The following XDH variants were observed in gnomAD, a reference collection of about 807,000 sequenced individuals.
XDH encodes xanthine dehydrogenase.
Under a neutral mutation model 156.1 loss-of-function variants are expected in XDH, and 138 were observed. The observed-to-expected ratio is 0.88, with a 90% CI of 0.77 to 1.02. The LOEUF is 1.02. XDH is among the 50% of genes least tolerant of loss of function. The pLI is 0.00. For missense variants in XDH, 1,849 were observed against 1,684.9 expected (o/e 1.10, Z -1.71); for synonymous variants, 669 against 625.7 (o/e 1.07, Z -1.03).
In XDH at chr2:31,350,081, T is replaced by G; in HGVS notation, c.2774A>C (p.Glu925Ala). ...FGGPQGMLIA[E>A]CWMSEVAVTC... ...CACTGCAACTTCACTCATCCAGCAC[T>G]CGGCAATGAGCATCCCCTGGGGCCC... The change falls in exon 25 of 36, where the codon GAG becomes GCG. Residue 925 changes from glutamate (E) to alanine (A), a missense_variant. Transcript: ENST00000379416. The G allele has an allele frequency of 6.2e-7, 1 of 1,614,180 alleles. No individual in the cohort carries two copies. The highest frequency in any genetic ancestry group is 8.5e-7 in the Non-Finnish European group (1 of 1,180,036).
intron 13 of XDH, 23 bp from the exon 14 acceptor site, chr2:31,377,260 C>G (rs1279572776): frequency 6.2e-7 from 1 of 1,613,610 alleles, no homozygotes. Context: ...AGGAAGGTGC[C>G]TGTTTTCCAC....
intron 15 of XDH, among the ~76,000 whole-genome samples, chr2:31,375,158 T>C (rs1240321004): frequency 6.6e-6 from 1 of 151,606 alleles, no homozygotes; most frequent in Non-Finnish European, 1.5e-5. Flanking sequence ...CCCACGTAGC[T>C]GAGATTACAG....
chr2:31,349,563 T>G lies in XDH; in HGVS notation c.2969+123A>C, dbSNP rs1047990557. On this transcript the variant is annotated intron_variant, in intron 26 of 35. Transcript: ENST00000379416. ...TCTTAAAGAGATGGCTGTGAATGAG[T>G]TGGCAAACTCAGCAGTCTCATAAGT... 9.9e-6 allele frequency: 14 copies of G among 1,417,218 alleles called. No individual in the cohort carries two copies. In the African/African-American group the frequency reaches 1.1e-4, roughly 11 times the overall value. 87.8% of individuals were successfully genotyped at this position (1,417,218 alleles called of 1,614,324 possible). A position where few individuals can be genotyped will look rare whatever the true frequency, so the allele number is the denominator to read the frequency against.
chr2:31,358,006 T>C (rs1005215253), intron 24 of XDH, among the ~76,000 whole-genome samples: 2 of 152,086 alleles, frequency 1.3e-5, no homozygotes, highest in Non-Finnish European at 2.9e-5. Context: ...TCAAGTATTA[T>C]ACTTTTAAGC....
chr2:31,390,462 G>A (rs1270501176), intron 6 of XDH, among the ~76,000 whole-genome samples: 1 of 152,240 alleles, frequency 6.6e-6, no homozygotes, highest in Non-Finnish European at 1.5e-5. Context: ...GAGTAAGGTT[G>A]TTGTAAGCAT....
chr2:31,345,802 G>T (rs1362438905), intron 30 of XDH, among the ~76,000 whole-genome samples: 2 of 152,186 alleles, frequency 1.3e-5, no homozygotes, highest in Non-Finnish European at 2.9e-5. Flanking sequence ...AGGCACACTG[G>T]TCTACATGGC....
Position 31,410,660 on chromosome 2 carries a change from C to G in XDH, c.42+3965G>C, listed in dbSNP as rs536236527. ...ATGCAGTGAGAAAAACACATTACTTCTGTGGTATTCCTGCCCCCCAAATGC... is the reference window on the plus strand; with the variant it reads ...ATGCAGTGAGAAAAACACATTACTTGTGTGGTATTCCTGCCCCCCAAATGC... On this transcript the variant is annotated intron_variant, in intron 1 of 35. Coordinates refer to ENST00000379416, the MANE Select transcript of XDH (RefSeq NM_000379.4). Among the ~76,000 whole-genome samples, 6 of 152,108 alleles carry G rather than the reference C, an allele frequency of 3.9e-5. No homozygotes were observed. The South Asian group carries it at 1.2e-3, about 32-fold the overall frequency.
chr2:31,335,735 C>CATTTGCCTAAATA lies in XDH; in HGVS notation c.*222_*223insTATTTAGGCAAAT, dbSNP rs1684955319. The CATTTGCCTAAATA allele has an allele frequency of 6.5e-6, 4 of 619,818 alleles. No homozygotes were observed. In the African/African-American group the frequency reaches 7.3e-5, roughly 11 times the overall value. The allele number at this position is 619,818 out of a possible 1,614,324, so 38.4% of individuals were successfully genotyped here. ...CAGAAAATGATCCTAATTGCATATT[C>CATTTGCCTAAATA]ACCATTTAGGCATAACAGTTTTGAA... is the stretch of plus-strand genomic sequence containing the variant. On this transcript the variant is annotated 3_prime_UTR_variant, in exon 36 of 36. Transcript: ENST00000379416.
intron 6 of XDH, among the ~76,000 whole-genome samples, chr2:31,393,342 A>G (rs991964942): frequency 5.9e-5 from 9 of 152,186 alleles, no homozygotes; most frequent in African/African-American, 1.9e-4. Flanking sequence ...AAGGACTGTT[A>G]TATCTTCTTG....
chr2:31,339,553 G>A lies in XDH; in HGVS notation c.3710C>T (p.Pro1237Leu), dbSNP rs200177886. 1.2e-6 allele frequency: 2 copies of A among 1,614,230 alleles called. No individual in the cohort carries two copies. Among genetic ancestry groups the A allele is most frequent in the Non-Finnish European group, 1.7e-6 (2 of 1,180,052 alleles). Reference sequence around the variant, plus strand: ...GAGCAGGGACACCCTGAACTCAATGGGGATGCTGCCAAATGCCGGGATCTT... The same window carrying A: ...GAGCAGGGACACCCTGAACTCAATGAGGATGCTGCCAAATGCCGGGATCTT... Reference protein sequence around the residue: ...TYKIPAFGSIPIEFRVSLLRD... With the variant: ...TYKIPAFGSILIEFRVSLLRD... The change falls in exon 34 of 36, where the codon CCC becomes CTC. Residue 1237 changes from proline (P) to leucine (L), a missense_variant. Physicochemically the swap from Pro to Leu is moderately conservative, Grantham distance 98. Coordinates refer to ENST00000379416, the MANE Select transcript of XDH (RefSeq NM_000379.4).
At chr2:31,360,787 T>C (rs1685756811) in intron 24 of XDH, among the ~76,000 whole-genome samples, 1 of 148,638 alleles carries the variant, frequency 6.7e-6, no homozygotes, top group African/African-American at 2.6e-5. Context: ...GGTTCAGTAC[T>C]ATCTGAGGTT....
chr2:31,407,842 A>G (rs1687233463), intron 1 of XDH, among the ~76,000 whole-genome samples: 1 of 152,214 alleles, frequency 6.6e-6, no homozygotes, highest in African/African-American at 2.4e-5. Flanking sequence ...GATGAAATTA[A>G]TTTTCTTATG....
At chr2:31,403,908 T>A (rs1238402103) in intron 2 of XDH, among the ~76,000 whole-genome samples, 2 of 152,150 alleles carry the variant, frequency 1.3e-5, no homozygotes, top group South Asian at 4.2e-4. Flanking sequence ...CACTACCTAC[T>A]GAAGATGGAG....
In XDH at chr2:31,414,613, G is replaced by A. The variant is rs745842727; in HGVS notation, c.42+12C>T. ...AGAAGGGACACAAAACCAAAGGTCA[G>A]CTCCTACTTACCTTTCTGCCATTCA... On this transcript the variant is annotated intron_variant, in intron 1 of 35. Transcript: ENST00000379416. 1 of 1,614,038 alleles carries A rather than the reference G, an allele frequency of 6.2e-7. No individual in the cohort carries two copies. The highest frequency in any genetic ancestry group is 1.7e-5 in the Admixed American group (1 of 60,022).
At chr2:31,370,925 A>G (rs1686054327) in intron 17 of XDH, among the ~76,000 whole-genome samples, 1 of 152,238 alleles carries the variant, frequency 6.6e-6, no homozygotes, top group Admixed American at 6.5e-5. Flanking sequence ...AGCAAGCCAT[A>G]TCAGAACGAA....
In XDH at chr2:31,342,200, G is replaced by C; in HGVS notation, c.3502C>G (p.Leu1168Val). 2 of 1,614,028 alleles carry C rather than the reference G, an allele frequency of 1.2e-6. No individual in the cohort carries two copies. The highest frequency in any genetic ancestry group is 2.2e-5 in the South Asian group (2 of 91,070). ...VACSEVEIDC[L>V]TGDHKNLRTD... ...CTTCTTACCTTATGATCTCCTGTTA[G>C]GCAGTCGATTTCTACTTCAGAGCAA... is the stretch of plus-strand genomic sequence containing the variant. The change falls in exon 32 of 36, where the codon CTA becomes GTA. Residue 1168 changes from leucine to valine, a missense_variant. Leu to Val is a conservative substitution (Grantham distance 32, BLOSUM62 1). Transcript: ENST00000379416.
At chr2:31,364,074 G>T in intron 24 of XDH, 84 bp downstream of exon 24, 2 of 1,296,930 alleles carry the variant, frequency 1.5e-6, no homozygotes, top group South Asian at 1.2e-5. Context: ...AGCAAGCAGG[G>T]ACTGGGGAGG....
At chr2:31,390,929 T>C (rs1686743983) in intron 6 of XDH, among the ~76,000 whole-genome samples, 1 of 152,216 alleles carries the variant, frequency 6.6e-6, no homozygotes, top group Non-Finnish European at 1.5e-5. Context: ...CTTTTGCAAA[T>C]ATTTTTCTCC....
At chr2:31,375,902 A>G (rs2148775211) in intron 14 of XDH, among the ~76,000 whole-genome samples, 1 of 152,344 alleles carries the variant, frequency 6.6e-6, no homozygotes. Flanking sequence ...TACCAATGAG[A>G]AAACTGAGGC....
Sources: gnomAD v4.1 joint callset for allele counts (sites outside exome capture counted in the v4.1 genomes callset) on GRCh38, gnomAD v4.1.1 for gene constraint, MANE v1.5 for transcripts, NCBI Gene and HGNC (gene_info 2026-07-23, HGNC 2026-07-21) for gene names.